CELF5: variants seen among roughly 807,000 people sequenced by gnomAD.
CELF5 encodes the protein CUG-BP and ETR-3 like factor 5.
CELF5 carries 6 observed loss-of-function variants against 54.9 expected under a neutral mutation model. The ratio of observed to expected loss-of-function variants is 0.11; its 90% CI spans 0.06 to 0.22. The LOEUF is 0.22. Ranked by LOEUF, CELF5 falls within the 10% of genes least tolerant of loss-of-function variation. The pLI, the probability that CELF5 is intolerant of heterozygous loss-of-function variation, is 1.00. For synonymous variants in CELF5, 271 were observed against 290.9 expected, an observed-to-expected ratio of 0.93 and a Z score of 0.70; for missense variants, 401 against 678.6, an observed-to-expected ratio of 0.59 and a Z score of 4.54.
chr19:3,260,030 G>T (rs190968499), intron 2 of CELF5, among the ~76,000 whole-genome samples: 1 of 152,056 alleles, frequency 6.6e-6, no homozygotes, highest in Admixed American at 6.6e-5. Flanking sequence ...AAAGAAACAG[G>T]TGACATTAAT....
In CELF5 at chr19:3,281,030, G is replaced by A. The variant is rs753745450; in HGVS notation, c.604-169G>A. Among the ~76,000 whole-genome samples, 2 of 152,176 alleles carry A rather than the reference G, an allele frequency of 1.3e-5. No individual in the cohort carries two copies. The highest frequency in any genetic ancestry group is 6.5e-5 in the Admixed American group (1 of 15,286). On this transcript the variant is annotated intron_variant, in intron 5 of 12. Coordinates refer to ENST00000292672, the MANE Select transcript of CELF5 (RefSeq NM_021938.4). The surrounding 1 kb of genome is among the most constrained non-coding windows in gnomAD (Gnocchi z 6.5). ...GGGCCCAGGATGCTGATCTCCACGC[G>A]GTCCTCGCTGTGGCCCTGGCTCCTG... is the stretch of plus-strand genomic sequence containing the variant.
intron 2 of CELF5, among the ~76,000 whole-genome samples, chr19:3,267,109 G>A (rs551763877): frequency 4.3e-4 from 65 of 151,522 alleles, no homozygotes; most frequent in African/African-American, 1.3e-3. Context: ...GTGTGTGTGC[G>A]TGTGCGTGTG....
intron 3 of CELF5, 102 bp downstream of exon 3, chr19:3,274,025 A>C: frequency 8.3e-7 from 1 of 1,209,978 alleles, no homozygotes; most frequent in Non-Finnish European, 1.2e-6. Flanking sequence ...GCAGTGGCCG[A>C]GGCCTGTGGA....
At position 3,228,915 on chromosome 19, in the gene CELF5, T is replaced by TGTGTGC. The variant is rs60732050; in HGVS notation, c.259+3917_259+3918insGTGTGC. ...GTGTGTGTGTGTGTGTGTGTGTGTG[T>TGTGTGC]ACGCGGGCGCGCGCCTGGGAAGGAC... On this transcript the variant is annotated intron_variant, in intron 1 of 12. Coordinates refer to ENST00000292672, the MANE Select transcript of CELF5 (RefSeq NM_021938.4). This position sits in a 1 kb window ranked among gnomAD's most constrained non-coding sequence, Gnocchi z 6.0. Among the ~76,000 whole-genome samples the TGTGTGC allele has an allele frequency of 0.015, 2,177 of 143,560 alleles. 80 individuals carry two copies. Among genetic ancestry groups the TGTGTGC allele is most frequent in the African/African-American group, 0.034 (1,309 of 38,350 alleles). 94.2% of individuals were successfully genotyped at this position (143,560 alleles called of 152,430 possible). A position where few individuals can be genotyped will look rare whatever the true frequency, so the allele number is the denominator to read the frequency against.
At chr19:3,241,941 A>C (rs1260120022) in intron 1 of CELF5, among the ~76,000 whole-genome samples, 1 of 151,836 alleles carries the variant, frequency 6.6e-6, no homozygotes, top group African/African-American at 2.4e-5. Flanking sequence ...CGCCCAGCTA[A>C]TTTTTGTGTT....
intron 9 of CELF5, 25 bp downstream of exon 9, chr19:3,284,989 G>T (rs753254024): frequency 6.6e-7 from 1 of 1,523,118 alleles, no homozygotes; most frequent in African/African-American, 1.4e-5. Flanking sequence ...GCGTGCCCGC[G>T]CTGGGCCCTG....
intron 1 of CELF5, among the ~76,000 whole-genome samples, chr19:3,226,476 A>ACACAC (rs1555715644): frequency 4.0e-5 from 6 of 151,094 alleles, no homozygotes; most frequent in Admixed American, 6.6e-5. Context: ...ACACACACAC[A>ACACAC]AAATTGGGCC....
chr19:3,264,682 C>T (rs1014922258), intron 2 of CELF5, among the ~76,000 whole-genome samples: 1 of 150,310 alleles, frequency 6.7e-6, no homozygotes, highest in Non-Finnish European at 1.5e-5. Context: ...TCTCAAAGTG[C>T]TGGGATTACA....
intron 2 of CELF5, among the ~76,000 whole-genome samples, chr19:3,272,134 G>A (rs430085): frequency 0.68 from 102,482 of 151,472 alleles, 35,623 homozygotes; most frequent in African/African-American, 0.86. Context: ...TTGGGAGGCT[G>A]AGGTGGGCGG....
intron 1 of CELF5, among the ~76,000 whole-genome samples, chr19:3,250,332 C>CA (rs892119051): frequency 3.3e-5 from 5 of 151,838 alleles, no homozygotes; most frequent in African/African-American, 4.8e-5. Flanking sequence ...ACTAAAAATA[C>CA]AAAAAAATTA....
Position 3,278,354 on chromosome 19 carries a change from G to A in CELF5, c.603+244G>A, listed in dbSNP as rs1056579068. 6.6e-6 allele frequency among the ~76,000 whole-genome samples: 1 copy of A among 151,770 alleles called. No individual in the cohort carries two copies. The highest frequency in any genetic ancestry group is 1.5e-5 in the Non-Finnish European group (1 of 67,998). On this transcript the variant is annotated intron_variant, in intron 5 of 12. Coordinates refer to ENST00000292672, the MANE Select transcript of CELF5 (RefSeq NM_021938.4). The surrounding 1 kb of genome is among the most constrained non-coding windows in gnomAD (Gnocchi z 4.5). ...GCGAAGTGTATGTGTGTGCATGGAT[G>A]TATTACAAGTGTGTGCGTGTGGGTG...
At chr19:3,277,584 A>G (rs1211952425) in intron 4 of CELF5, among the ~76,000 whole-genome samples, 1 of 152,106 alleles carries the variant, frequency 6.6e-6, no homozygotes, top group Non-Finnish European at 1.5e-5. Context: ...CATCACCACT[A>G]TGTAATTCCA....
intron 1 of CELF5, among the ~76,000 whole-genome samples, chr19:3,237,139 C>T (rs1487944719): frequency 4.0e-5 from 6 of 150,918 alleles, no homozygotes; most frequent in African/African-American, 1.5e-4. Context: ...GGTGAAACCC[C>T]ATCTCTACTA....
chr19:3,290,467 G>A, intron 11 of CELF5, 93 bp downstream of exon 11: 3 of 1,405,042 alleles, frequency 2.1e-6, no homozygotes, highest in Non-Finnish European at 3.0e-6. Flanking sequence ...TCGGGACAGG[G>A]CTGTGCTGAA....
At chr19:3,248,905 C>CTTT (rs1555719722) in intron 1 of CELF5, among the ~76,000 whole-genome samples, 9 of 94,234 alleles carry the variant, frequency 9.6e-5, no homozygotes, top group Admixed American at 6.0e-4. Context: ...TTCCTTCCTT[C>CTTT]CTTTCTTTCT....
intron 1 of CELF5, among the ~76,000 whole-genome samples, chr19:3,240,916 C>T (rs1192684688): frequency 1.3e-5 from 2 of 151,992 alleles, no homozygotes; most frequent in African/African-American, 4.8e-5. Flanking sequence ...GGCTGAGGTC[C>T]CCAGCTGCCC....
rs771310721 is a variant in CELF5, at chr19:3,285,953, A to C, written c.1114A>C (p.Thr372Pro). The change falls in exon 10 of 13, where the codon ACC becomes CCC. Residue 372 changes from threonine (T) to proline (P), a missense_variant. Thr to Pro is a conservative substitution (Grantham distance 38, BLOSUM62 -1). This residue lies in a region of CELF5 where 143 missense variants were observed against 147.6 expected (regional missense o/e 0.97). Transcript: ENST00000292672. ...GVQQYTAMYP[T>P]AAITPIAHSV... ...TCCGGTCTCCGCAGCCATGTACCCC[A>C]CCGCGGCCATCACGCCCATCGCGCA... The C allele has an allele frequency of 1.3e-6, 2 of 1,573,032 alleles. No individual in the cohort carries two copies. Among genetic ancestry groups the C allele is most frequent in the African/African-American group, 1.5e-5 (1 of 68,772 alleles).
At position 3,224,955 on chromosome 19, in the gene CELF5, C is replaced by T. The variant is rs1916800743; in HGVS notation, c.216C>T (p.Tyr72=). ...TCTTCGAGCAGTTCGGCCGCATCTA[C>T]GAGCTCACGGTGCTCAAAGACCCCT... The part of the protein sequence containing the change: ...KPLFEQFGRI[Y]ELTVLKDPYT... Residue 72 remains tyrosine, a synonymous_variant, in exon 1 of 13, where the codon TAC becomes TAT. Transcript: ENST00000292672. The T allele has an allele frequency of 6.2e-7, 1 of 1,608,184 alleles. No homozygotes were observed.
chr19:3,236,051 C>G (rs1345485903), intron 1 of CELF5, among the ~76,000 whole-genome samples: 1 of 152,092 alleles, frequency 6.6e-6, no homozygotes, highest in African/African-American at 2.4e-5. Context: ...TGGAGAGGAG[C>G]AGGCAGCATG....
Sources: allele counts gnomAD v4.1 joint callset (sites outside exome capture counted in the v4.1 genomes callset), GRCh38; gene constraint gnomAD v4.1.1; regional missense constraint gnomAD v4.1.1; non-coding constraint Gnocchi (gnomAD v3.1); transcripts MANE v1.5; gene names NCBI Gene and HGNC (gene_info 2026-07-23, HGNC 2026-07-21).